The following ITSN1 variants were observed in gnomAD, a reference collection of about 807,000 sequenced individuals.
ITSN1 encodes the protein intersectin-1.
Under a neutral mutation model 239.8 loss-of-function variants are expected in ITSN1, and 58 were observed. That is an observed-to-expected ratio of 0.24 (90% CI 0.20 to 0.30). ITSN1 has a LOEUF of 0.30. ITSN1 is among the 10% of genes least tolerant of loss of function. ITSN1 has a pLI of 1.00. For synonymous variants in ITSN1, 780 were observed against 770.8 expected, an observed-to-expected ratio of 1.01 and a Z score of -0.20; for missense variants, 1,558 against 2,103.3, an observed-to-expected ratio of 0.74 and a Z score of 5.07.
intron 1 of ITSN1, among the ~76,000 whole-genome samples, chr21:33,703,342 G>A (rs907705912): frequency 2.6e-5 from 4 of 151,886 alleles, no homozygotes; most frequent in Non-Finnish European, 4.4e-5. Context: ...TTGACTTTCT[G>A]TAATTGGCTC....
chr21:33,681,246 G>C (rs1480885176), intron 1 of ITSN1, among the ~76,000 whole-genome samples: 7 of 152,172 alleles, frequency 4.6e-5, no homozygotes, highest in Admixed American at 1.3e-4. Flanking sequence ...TTTTTGAGGG[G>C]TATTGAAGCT....
chr21:33,679,557 G>A (rs1268356580), intron 1 of ITSN1, among the ~76,000 whole-genome samples: 4 of 152,142 alleles, frequency 2.6e-5, no homozygotes, highest in Non-Finnish European at 5.9e-5. Flanking sequence ...GTTACTGGGA[G>A]TACAAAGTTT....
intron 36 of ITSN1, 32 bp from the exon 37 acceptor site, chr21:33,885,009 G>A (rs1237636335): frequency 2.5e-6 from 4 of 1,579,590 alleles, no homozygotes; most frequent in African/African-American, 1.3e-5. Flanking sequence ...CTGAGTTTCT[G>A]TTTGGCAACT....
intron 5 of ITSN1, among the ~76,000 whole-genome samples, chr21:33,744,587 A>G (rs1262019552): frequency 6.6e-6 from 1 of 152,194 alleles, no homozygotes; most frequent in Non-Finnish European, 1.5e-5. Flanking sequence ...AAAAGAAACC[A>G]GAGTTTCTTG....
chr21:33,812,254 A>G (rs2072965305), intron 21 of ITSN1, among the ~76,000 whole-genome samples: 1 of 152,222 alleles, frequency 6.6e-6, no homozygotes, highest in African/African-American at 2.4e-5. Flanking sequence ...GCTTAGGCTA[A>G]AATAGAAGAC....
rs2071150773 is a variant in ITSN1 at position 33,791,753 on chromosome 21, T to C, written c.1825-2588T>C. On this transcript the variant is annotated intron_variant, in intron 16 of 39. Coordinates refer to ENST00000381318, the MANE Select transcript of ITSN1 (RefSeq NM_003024.3). ...TGCCTATGGGCTATCTATTATAGTATGTTGATACATCATGGCCAGTGTCCA... is the reference window on the plus strand; with the variant it reads ...TGCCTATGGGCTATCTATTATAGTACGTTGATACATCATGGCCAGTGTCCA... 2.0e-5 allele frequency among the ~76,000 whole-genome samples: 3 copies of C among 152,130 alleles called. No homozygotes were observed. In the South Asian group the frequency reaches 6.2e-4, roughly 32 times the overall value.
Position 33,834,565 on chromosome 21 carries a change from A to G in ITSN1, c.3469+141A>G, listed in dbSNP as rs1051887258. The G allele has an allele frequency of 7.5e-6, 5 of 664,216 alleles. No homozygotes were observed. The East Asian group carries it at 1.4e-4, about 18-fold the overall frequency. 41.1% of individuals were successfully genotyped at this position (664,216 alleles called of 1,614,324 possible). A position where few individuals can be genotyped will look rare whatever the true frequency, so the allele number is the denominator to read the frequency against. ...CTGTACTTGCTGGGACTGACACCCA[A>G]CTAATGTGATATGGAATATGTCTTT... On this transcript the variant is annotated intron_variant, in intron 28 of 39. Transcript: ENST00000381318.
At chr21:33,715,817 C>T (rs1372066890) in intron 1 of ITSN1, among the ~76,000 whole-genome samples, 2 of 152,132 alleles carry the variant, frequency 1.3e-5, no homozygotes. Context: ...ACTTCGGAGG[C>T]AGAGGCAGGA....
At chr21:33,823,222 G>A (rs1018737827) in intron 24 of ITSN1, among the ~76,000 whole-genome samples, 1 of 152,128 alleles carries the variant, frequency 6.6e-6, no homozygotes, top group Non-Finnish European at 1.5e-5. Flanking sequence ...CTCAAGTGTC[G>A]GTAAACATGC....
At chr21:33,875,041 C>G (rs566901898) in intron 33 of ITSN1, among the ~76,000 whole-genome samples, 1 of 152,352 alleles carries the variant, frequency 6.6e-6, no homozygotes, top group South Asian at 2.1e-4. Context: ...TTGGGGTCCA[C>G]CCTGCGATGT....
intron 16 of ITSN1, among the ~76,000 whole-genome samples, chr21:33,793,849 A>G (rs2071335457): frequency 6.6e-6 from 1 of 152,240 alleles, no homozygotes; most frequent in South Asian, 2.1e-4. Flanking sequence ...TTGAGGAGCA[A>G]AGAGATGTCC....
chr21:33,776,721 T>C (rs2069658668), intron 14 of ITSN1, among the ~76,000 whole-genome samples: 1 of 152,052 alleles, frequency 6.6e-6, no homozygotes, highest in African/African-American at 2.4e-5. Context: ...TGCATCTTCG[T>C]TGAAGTGTCT....
At chr21:33,685,490 T>C (rs2091194264) in intron 1 of ITSN1, among the ~76,000 whole-genome samples, 1 of 152,066 alleles carries the variant, frequency 6.6e-6, no homozygotes, top group African/African-American at 2.4e-5. Flanking sequence ...GAAGTACCCC[T>C]TCAACGCTGT....
intron 20 of ITSN1, 92 bp downstream of exon 20, chr21:33,802,536 T>G: frequency 3.1e-6 from 4 of 1,273,714 alleles, no homozygotes; most frequent in Non-Finnish European, 4.6e-6. Flanking sequence ...CACGTATCTC[T>G]GGGTGTTGTT....
intron 5 of ITSN1, among the ~76,000 whole-genome samples, chr21:33,738,515 C>T (rs1447456937): frequency 5.3e-5 from 8 of 151,994 alleles, no homozygotes; most frequent in Non-Finnish European, 1.0e-4. Flanking sequence ...AATTCTCCTT[C>T]GTCAGCCTCC....
intron 1 of ITSN1, among the ~76,000 whole-genome samples, chr21:33,699,312 T>C (rs576595722): frequency 2.0e-5 from 3 of 152,346 alleles, no homozygotes; most frequent in East Asian, 3.9e-4. Context: ...TTTTTAAAAA[T>C]ATTTATTTAT....
At chr21:33,706,310 A>G (rs2146893898) in intron 1 of ITSN1, among the ~76,000 whole-genome samples, 1 of 152,228 alleles carries the variant, frequency 6.6e-6, no homozygotes, top group South Asian at 2.1e-4. Flanking sequence ...TGAGCCACCA[A>G]GTTTTTAATT....
intron 27 of ITSN1, among the ~76,000 whole-genome samples, chr21:33,834,000 G>T (rs2074456166): frequency 1.3e-5 from 2 of 151,960 alleles, no homozygotes; most frequent in African/African-American, 4.8e-5. Flanking sequence ...GAAATTAACA[G>T]CTGAGTGCTA....
intron 22 of ITSN1, 56 bp from the exon 23 acceptor site, chr21:33,818,211 C>T: frequency 1.3e-6 from 2 of 1,484,148 alleles, no homozygotes; most frequent in East Asian, 2.3e-5. Flanking sequence ...CACGTCTGCC[C>T]TAATTGATAA....
Sources: allele counts gnomAD v4.1 joint callset (sites outside exome capture counted in the v4.1 genomes callset), GRCh38; gene constraint gnomAD v4.1.1; transcripts MANE v1.5; gene names NCBI Gene and HGNC (gene_info 2026-07-23, HGNC 2026-07-21).